The following TCERG1 variants were observed in gnomAD, a reference collection of about 807,000 sequenced individuals.
TCERG1 encodes transcription elongation regulator 1.
In TCERG1, 37 loss-of-function variants were observed where a neutral mutation model predicts 144.7. The observed-to-expected ratio is 0.26, with a 90% CI of 0.20 to 0.34. The LOEUF (loss-of-function observed/expected upper bound fraction) is 0.34. Among genes scored for constraint, TCERG1 ranks in the 10% least tolerant of loss-of-function variants. The pLI is 1.00. For synonymous variants in TCERG1, 492 were observed against 458.2 expected, an observed-to-expected ratio of 1.07 and a Z score of -0.94; for missense variants, 1,027 against 1,380.7, an observed-to-expected ratio of 0.74 and a Z score of 4.06.
intron 17 of TCERG1, among the ~76,000 whole-genome samples, chr5:146,502,535 C>T (rs568322958): frequency 6.6e-6 from 1 of 152,154 alleles, no homozygotes; most frequent in South Asian, 2.1e-4. Flanking sequence ...ATAAGAAATA[C>T]AGTTTTGGAG....
chr5:146,457,183 A>C lies in TCERG1; in HGVS notation c.286A>C (p.Arg96=), dbSNP rs150044914. ...PPPMGPPHLQ[R]PPFMPPPMSS... is the part of the protein sequence containing the mutation. Reference sequence around the variant, plus strand: ...CATTACTGTTTTTGTGAATTAACAGAGACCACCTTTCATGCCTCCTCCCAT... The same window carrying C: ...CATTACTGTTTTTGTGAATTAACAGCGACCACCTTTCATGCCTCCTCCCAT... The change falls in exon 3 of 23, where the codon AGA becomes CGA. Residue 96 remains arginine, a splice_region_variant and synonymous_variant. Coordinates refer to ENST00000679501, the MANE Select transcript of TCERG1 (RefSeq NM_001382548.1). 44 of 1,612,216 alleles carry C rather than the reference A, an allele frequency of 2.7e-5. No individual in the cohort carries two copies. In the African/African-American group the frequency reaches 5.3e-4, roughly 20 times the overall value.
chr5:146,458,806 A>AT (rs1763059239), intron 3 of TCERG1, 78 bp from the exon 4 acceptor site: 2 of 1,521,498 alleles, frequency 1.3e-6, no homozygotes, highest in South Asian at 1.3e-5. Context: ...AGCTTTAAAG[A>AT]TAAAATATGG....
At chr5:146,471,980 C>CATA (rs774001168) in intron 9 of TCERG1, among the ~76,000 whole-genome samples, 1 of 152,092 alleles carries the variant, frequency 6.6e-6, no homozygotes, top group Non-Finnish European at 1.5e-5. Context: ...AAGTGTATGT[C>CATA]AAATATGTTT....
At chr5:146,463,442 A>C in intron 4 of TCERG1, 109 bp from the exon 5 acceptor site, 1 of 1,503,776 alleles carries the variant, frequency 6.6e-7, no homozygotes, top group South Asian at 1.3e-5. Context: ...CTTGCAGTGC[A>C]TAGAATGGTC....
Position 146,502,695 on chromosome 5 carries a change from A to G in TCERG1, c.2434-680A>G, listed in dbSNP as rs371122578. On this transcript the variant is annotated intron_variant, in intron 17 of 22. Transcript: ENST00000679501. ...GTTTATAATGTTATAAACATTACAT[A>G]CATGTTTAATGCTAAAAAGTGTAGA... Among the ~76,000 whole-genome samples, 135 of 152,314 alleles carry G rather than the reference A, an allele frequency of 8.9e-4. 1 individual carries two copies. The South Asian group carries it at 0.026, about 30-fold the overall frequency.
At position 146,472,054 on chromosome 5, in the gene TCERG1, A is replaced by G. The variant is rs552159951; in HGVS notation, c.1601+478A>G. On this transcript the variant is annotated intron_variant, in intron 9 of 22. Transcript: ENST00000679501. The stretch of plus-strand genomic sequence containing the variant: ...TATTCAAAACTGAAGTTCAATTACT[A>G]CAAGTGTCTTCCTAGTACTACTCTC... Among the ~76,000 whole-genome samples, 5 of 152,356 alleles carry G rather than the reference A, an allele frequency of 3.3e-5. No individual in the cohort carries two copies. In the South Asian group the frequency reaches 6.2e-4, roughly 19 times the overall value.
intron 6 of TCERG1, 98 bp downstream of exon 6, chr5:146,468,501 G>A: frequency 9.1e-7 from 1 of 1,099,934 alleles, no homozygotes; most frequent in Non-Finnish European, 1.3e-6. Context: ...CCAAGTGAGT[G>A]GATATTTTTA....
chr5:146,447,794 C>G (rs1352615371), intron 1 of TCERG1, among the ~76,000 whole-genome samples: 1 of 152,262 alleles, frequency 6.6e-6, no homozygotes, highest in Non-Finnish European at 1.5e-5. Flanking sequence ...TCCTCATCGA[C>G]GTCTCTGCAC....
Position 146,469,585 on chromosome 5 carries a change from C to A in TCERG1, c.1240C>A (p.His414Asn). ...GMAPPIVPMI[H>N]PQVAIAASPA... ...GGCCCCTCCTATCGTACCCATGATA[C>A]ATCCCCAGGTTGCTATTGCAGCTTC... Residue 414 changes from histidine to asparagine, a missense_variant, in exon 7 of 23, where the codon CAT (histidine) becomes AAT (asparagine). Coordinates refer to ENST00000679501, the MANE Select transcript of TCERG1 (RefSeq NM_001382548.1). 6.2e-7 allele frequency: 1 copy of A among 1,612,504 alleles called. No individual in the cohort carries two copies. Among genetic ancestry groups the A allele is most frequent in the Non-Finnish European group, 8.5e-7 (1 of 1,179,216 alleles).
chr5:146,503,300 A>G, intron 17 of TCERG1, 75 bp from the exon 18 acceptor site: 1 of 1,427,304 alleles, frequency 7.0e-7, no homozygotes, highest in Non-Finnish European at 9.5e-7. Context: ...TTCTAGTTGT[A>G]AATATTTAAG....
At chr5:146,461,411 A>G (rs1237837839) in intron 4 of TCERG1, among the ~76,000 whole-genome samples, 1 of 152,128 alleles carries the variant, frequency 6.6e-6, no homozygotes, top group Non-Finnish European at 1.5e-5. Context: ...CTGGGTTAGT[A>G]TATTTTGAGG....
At chr5:146,480,435 A>G (rs1050807752) in intron 12 of TCERG1, 4 of 170,652 alleles carry the variant, frequency 2.3e-5, no homozygotes, top group African/African-American at 9.6e-5. Flanking sequence ...TCTCATAAAA[A>G]CAGACACAGA....
At chr5:146,474,104 A>G (rs892855451) in intron 9 of TCERG1, among the ~76,000 whole-genome samples, 4 of 152,154 alleles carry the variant, frequency 2.6e-5, no homozygotes, top group African/African-American at 2.4e-5. Context: ...GGCAAAGTCA[A>G]TAGAACACCT....
intron 16 of TCERG1, 35 bp downstream of exon 16, chr5:146,493,073 A>G (rs754640882): frequency 1.4e-6 from 2 of 1,379,692 alleles, no homozygotes; most frequent in East Asian, 2.4e-5. Context: ...ATCAAAGTGT[A>G]TTTATTTTCT....
Position 146,503,971 on chromosome 5 carries a change from G to A in TCERG1, c.2746G>A (p.Ala916Thr). The change falls in exon 19 of 23, where the codon GCT becomes ACT. Residue 916 changes from alanine to threonine, a missense_variant. By Grantham distance (58) the Ala-to-Thr change is moderately conservative. Coordinates refer to ENST00000679501, the MANE Select transcript of TCERG1 (RefSeq NM_001382548.1). ...REREQHKREE[A>T]IQNFKALLSD... ...GAGAGAGCAGCACAAACGAGAAGAAGCTATCCAGAATTTCAAAGCTCTTCT... is the reference window on the plus strand; with the variant it reads ...GAGAGAGCAGCACAAACGAGAAGAAACTATCCAGAATTTCAAAGCTCTTCT... 1.3e-6 allele frequency: 2 copies of A among 1,591,632 alleles called. No homozygotes were observed. The highest frequency in any genetic ancestry group is 1.7e-6 in the Non-Finnish European group (2 of 1,171,718).
chr5:146,492,864 A>G (rs1766556759), intron 15 of TCERG1, 56 bp from the exon 16 acceptor site: 1 of 1,210,234 alleles, frequency 8.3e-7, no homozygotes, highest in Non-Finnish European at 1.2e-6. Flanking sequence ...ATAATTTGGT[A>G]GTTAAATTAC....
At chr5:146,472,416 T>C (rs1412356322) in intron 9 of TCERG1, among the ~76,000 whole-genome samples, 2 of 152,200 alleles carry the variant, frequency 1.3e-5, no homozygotes, top group Non-Finnish European at 2.9e-5. Context: ...TTTCAAACTT[T>C]TTCATTATTT....
Position 146,510,441 on chromosome 5 carries a change from A to G in TCERG1, c.3147A>G (p.Arg1049=), listed in dbSNP as rs1285454357. ...LLKETKFITY[R]SKKLIQESDQ... is the part of the protein sequence containing the mutation. ...CTTGGACTTCTTTTTCTTATTTCAG[A>G]TCCAAAAAATTAATCCAAGAATCAG... The change falls in exon 23 of 23, where the codon AGA becomes AGG. Residue 1049 remains arginine, a splice_region_variant and synonymous_variant. Coordinates refer to ENST00000679501, the MANE Select transcript of TCERG1 (RefSeq NM_001382548.1). 1 of 1,611,136 alleles carries G rather than the reference A, an allele frequency of 6.2e-7. No homozygotes were observed. Among genetic ancestry groups the G allele is most frequent in the South Asian group, 1.1e-5 (1 of 90,980 alleles).
chr5:146,509,465 C>A (rs1187696171), intron 22 of TCERG1, among the ~76,000 whole-genome samples: 2 of 150,914 alleles, frequency 1.3e-5, no homozygotes, highest in Non-Finnish European at 2.9e-5. Flanking sequence ...TTTTGTGTTA[C>A]CCACCCATCC....
Sources: allele counts gnomAD v4.1 joint callset (sites outside exome capture counted in the v4.1 genomes callset), GRCh38; gene constraint gnomAD v4.1.1; transcripts MANE v1.5; gene names NCBI Gene and HGNC (gene_info 2026-07-23, HGNC 2026-07-21).